ACSL1: variants seen among roughly 807,000 people sequenced by gnomAD.
ACSL1 encodes the protein acyl-CoA synthetase long chain family member 1, also known as long-chain-fatty-acid--CoA ligase 1.
ACSL1 carries 41 observed loss-of-function variants against 98.4 expected under a neutral mutation model. The observed-to-expected ratio is 0.42, with a 90% CI of 0.32 to 0.54. The LOEUF (loss-of-function observed/expected upper bound fraction) is 0.54. Ranked by LOEUF, ACSL1 falls within the 20% of genes least tolerant of loss-of-function variation. The pLI is 0.13. For missense variants in ACSL1, 734 were observed against 883.1 expected (o/e 0.83, Z 2.14); for synonymous variants, 316 against 322.7 (o/e 0.98, Z 0.22).
chr4:184,773,853 C>G lies in ACSL1; in HGVS notation c.779G>C (p.Arg260Pro). The G allele has an allele frequency of 6.2e-7, 1 of 1,613,868 alleles. No individual in the cohort carries two copies. Reference protein sequence around the residue: ...AMEDLGRANRRKPKPPAPEDL... With the variant: ...AMEDLGRANRPKPKPPAPEDL... ...ACACGGTGTGCTTACCTTGGGCTTC[C>G]GTCTGTTGGCTCTTCCCAGGTCCTT... Residue 260 changes from arginine to proline, a missense_variant, in exon 8 of 21, where the codon CGG becomes CCG. Arg to Pro is a moderately radical substitution (Grantham distance 103). Transcript: ENST00000281455. This position sits in a 1 kb window ranked among gnomAD's most constrained non-coding sequence, Gnocchi z 4.3.
At chr4:184,781,778 T>G (rs1561203921) in intron 4 of ACSL1, among the ~76,000 whole-genome samples, 1 of 152,138 alleles carries the variant, frequency 6.6e-6, no homozygotes, top group Non-Finnish European at 1.5e-5. Context: ...CTCAGCTGAT[T>G]TTTGTATTTT....
intron 5 of ACSL1, among the ~76,000 whole-genome samples, chr4:184,778,137 C>A (rs1244709903): frequency 1.3e-5 from 2 of 152,230 alleles, no homozygotes; most frequent in African/African-American, 4.8e-5. Flanking sequence ...GGCCACATAG[C>A]CACTGCCCTA....
intron 2 of ACSL1, among the ~76,000 whole-genome samples, chr4:184,789,118 T>C (rs1173675607): frequency 6.6e-6 from 1 of 152,126 alleles, no homozygotes; most frequent in African/African-American, 2.4e-5. Context: ...GCCCAGTGAG[T>C]GAGTGCTGAA....
rs543357774 is a variant in ACSL1, at chr4:184,809,620, A to G, written c.-32-6074T>C. ...ATCCTGGCTAACACGGTGAAACTCC[A>G]TCTCTACTAAAAATACAAAAAAAAA... On this transcript the variant is annotated intron_variant, in intron 1 of 20. Transcript: ENST00000281455. 2.2e-4 allele frequency among the ~76,000 whole-genome samples: 33 copies of G among 151,074 alleles called. No homozygotes were observed. In the South Asian group the frequency reaches 2.9e-3, roughly 13 times the overall value.
Position 184,768,398 on chromosome 4 carries a change from C to T in ACSL1, c.1046G>A (p.Arg349Lys). ...CACCTTGAGGTCATCCATGAGCAGC[C>T]TGATATCTCCTTGGAAAAATCCGAT... ...AKIGFFQGDI[R>K]LLMDDLKVLQ... The change falls in exon 12 of 21, where the codon AGG becomes AAG. Residue 349 changes from arginine to lysine, a missense_variant. Transcript: ENST00000281455. 2 of 1,613,844 alleles carry T rather than the reference C, an allele frequency of 1.2e-6. No homozygotes were observed. The highest frequency in any genetic ancestry group is 1.7e-6 in the Non-Finnish European group (2 of 1,179,962).
chr4:184,826,564 GC>G (rs1264311097), upstream of ACSL1: 2 of 152,368 alleles, frequency 1.3e-5, no homozygotes, highest in Admixed American at 6.5e-5. Flanking sequence ...CGTGGGCAGC[GC>G]CCGCAGCTCG....
Position 184,757,059 on chromosome 4 carries a change from T to C in ACSL1, c.*66A>G, listed in dbSNP as rs772956335. On this transcript the variant is annotated 3_prime_UTR_variant, in exon 21 of 21. Coordinates refer to ENST00000281455, the MANE Select transcript of ACSL1 (RefSeq NM_001995.5). The surrounding 1 kb of genome is among the most constrained non-coding windows in gnomAD (Gnocchi z 4.5). ...CTTGCTGTATTCAAAATTAACAACA[T>C]GAAGGCCATCAGCAGGAGAAGAGAT... 6.7e-7 allele frequency: 1 copy of C among 1,486,988 alleles called. No homozygotes were observed. Among genetic ancestry groups the C allele is most frequent in the Non-Finnish European group, 9.1e-7 (1 of 1,103,942 alleles). The allele number at this position is 1,486,988 out of a possible 1,614,324, so 92.1% of individuals were successfully genotyped here. A position where few individuals can be genotyped will look rare whatever the true frequency, so the allele number is the denominator to read the frequency against.
chr4:184,777,028 A>C, intron 5 of ACSL1, 45 bp from the exon 6 acceptor site: 5 of 1,506,052 alleles, frequency 3.3e-6, no homozygotes, highest in Non-Finnish European at 4.6e-6. Context: ...GGATGTCATC[A>C]TGTAATCAAT....
intron 1 of ACSL1, among the ~76,000 whole-genome samples, chr4:184,812,680 G>C (rs1235627517): frequency 6.6e-6 from 1 of 152,158 alleles, no homozygotes; most frequent in Non-Finnish European, 1.5e-5. Context: ...AAGACGCTGA[G>C]ATACAGTGAG....
intron 1 of ACSL1, among the ~76,000 whole-genome samples, chr4:184,804,380 G>A (rs1429798532): frequency 6.6e-6 from 1 of 152,174 alleles, no homozygotes; most frequent in East Asian, 1.9e-4. Flanking sequence ...AAGAGTTTGA[G>A]ATCAGCCTGG....
At chr4:184,769,067 T>C (rs1221019333) in intron 11 of ACSL1, among the ~76,000 whole-genome samples, 1 of 24,122 alleles carries the variant, frequency 4.1e-5, no homozygotes, top group African/African-American at 1.5e-4. Flanking sequence ...AGACTCTGTC[T>C]CAAATATATA....
At chr4:184,808,258 C>T in intron 1 of ACSL1, 1 of 944,642 alleles carries the variant, frequency 1.1e-6, no homozygotes, top group Non-Finnish European at 1.3e-6. Flanking sequence ...CACACACACA[C>T]ACTGCCCCTG....
chr4:184,794,926 A>G (rs1179532495), intron 2 of ACSL1, among the ~76,000 whole-genome samples: 1 of 144,576 alleles, frequency 6.9e-6, no homozygotes, highest in African/African-American at 2.7e-5. Flanking sequence ...ACTATCCCAG[A>G]GGATTTGCTG....
At chr4:184,813,087 G>A (rs1318492172) in intron 1 of ACSL1, among the ~76,000 whole-genome samples, 1 of 152,154 alleles carries the variant, frequency 6.6e-6, no homozygotes, top group Non-Finnish European at 1.5e-5. Context: ...TTCACACACA[G>A]CTGCAAAGAT....
chr4:184,797,370 T>C (rs934541804), intron 2 of ACSL1, among the ~76,000 whole-genome samples: 1 of 152,228 alleles, frequency 6.6e-6, no homozygotes, highest in African/African-American at 2.4e-5. Flanking sequence ...CATGCGTACA[T>C]GTGTGAAGTA....
chr4:184,772,449 C>A (rs559293950), intron 10 of ACSL1, among the ~76,000 whole-genome samples: 26 of 152,298 alleles, frequency 1.7e-4, no homozygotes, highest in African/African-American at 6.3e-4. Context: ...GTTCAATAAG[C>A]ACCTTTTTAA....
At position 184,774,579 on chromosome 4, in the gene ACSL1, G is replaced by A. The variant is rs113222124; in HGVS notation, c.757-704C>T. The stretch of plus-strand genomic sequence containing the variant: ...GGCTTCCAGTCACTACCACTGATGG[G>A]GTTCGGTTTACTGCATTAGGGCAGT... On this transcript the variant is annotated intron_variant, in intron 7 of 20. Transcript: ENST00000281455. 1.5e-3 allele frequency among the ~76,000 whole-genome samples: 221 copies of A among 152,092 alleles called. 1 individual carries two copies. Among genetic ancestry groups the A allele is most frequent in the African/African-American group, 5.1e-3 (211 of 41,486 alleles).
rs61541962 is a variant in ACSL1, at chr4:184,814,290, CAAAA to C, written c.-32-10748_-32-10745del. On this transcript the variant is annotated intron_variant, in intron 1 of 20. Coordinates refer to ENST00000281455, the MANE Select transcript of ACSL1 (RefSeq NM_001995.5). ...TGGGCGACAGAGCGAGACTCCGCCT[CAAAA>C]AAAAAAAAAAAAAAAAAAAGGAGAG... 6.9e-3 allele frequency among the ~76,000 whole-genome samples: 448 copies of C among 64,510 alleles called. 1 individual carries two copies. Among genetic ancestry groups the C allele is most frequent in the Non-Finnish European group, 9.2e-3 (322 of 35,122 alleles). The allele number at this position is 64,510 out of a possible 152,430, so 42.3% of individuals were successfully genotyped here.
chr4:184,822,807 TGA>T lies in ACSL1; in HGVS notation c.-33+3107_-33+3108del, dbSNP rs369844711. Reference sequence around the variant, plus strand: ...GAAAATGAACATAACTCAGATTATGTGATAGTTTTCTCTTCTTGCCATTATAT... The same window carrying T: ...GAAAATGAACATAACTCAGATTATGTTAGTTTTCTCTTCTTGCCATTATAT... On this transcript the variant is annotated intron_variant, in intron 1 of 20. Transcript: ENST00000281455. Among the ~76,000 whole-genome samples the T allele has an allele frequency of 1.5e-4, 23 of 152,246 alleles. 2 individuals carry two copies. The highest frequency in any genetic ancestry group is 5.5e-4 in the African/African-American group (23 of 41,538).
Sources: allele counts gnomAD v4.1 joint callset (sites outside exome capture counted in the v4.1 genomes callset), GRCh38; gene constraint gnomAD v4.1.1; non-coding constraint Gnocchi (gnomAD v3.1); transcripts MANE v1.5; gene names NCBI Gene and HGNC (gene_info 2026-07-23, HGNC 2026-07-21).